ANO1: variants seen among roughly 807,000 people sequenced by gnomAD.
ANO1 encodes anoctamin 1.
In ANO1, 59 loss-of-function variants were observed where a neutral mutation model predicts 124.0. The ratio of observed to expected loss-of-function variants is 0.48; its 90% CI spans 0.39 to 0.59. The LOEUF is 0.59. Among genes scored for constraint, ANO1 ranks in the 20% least tolerant of loss-of-function variants. ANO1 has a pLI of 0.00. For missense variants in ANO1, 1,059 were observed against 1,328.0 expected (o/e 0.80, Z 3.15); for synonymous variants, 529 against 532.0 (o/e 0.99, Z 0.08).
chr11:70,072,751 C>T (rs1210737198), intron 1 of ANO1: 3 of 152,294 alleles, frequency 2.0e-5, no homozygotes, highest in Non-Finnish European at 4.4e-5. Context: ...GCGTACACCC[C>T]GTGGAAGGTA....
chr11:69,982,354 G>A (rs1554996328), upstream of ANO1, among the ~76,000 whole-genome samples: 1 of 152,040 alleles, frequency 6.6e-6, no homozygotes, highest in Non-Finnish European at 1.5e-5. Context: ...CCCAGCCTCT[G>A]CCAGAACCCC....
intron 18 of ANO1, 98 bp from the exon 19 acceptor site, chr11:70,163,185 T>C: frequency 7.6e-7 from 1 of 1,310,008 alleles, no homozygotes; most frequent in Non-Finnish European, 1.1e-6. Context: ...AGGCTCAGCC[T>C]GCAGGACTCA....
intron 1 of ANO1, among the ~76,000 whole-genome samples, chr11:70,031,379 A>T (rs1392341447): frequency 6.6e-6 from 1 of 152,168 alleles, no homozygotes; most frequent in African/African-American, 2.4e-5. Flanking sequence ...GCTATTTGGA[A>T]ATGGGTAATA....
chr11:70,000,242 A>G (rs1856356002), intron 1 of ANO1, among the ~76,000 whole-genome samples: 1 of 151,910 alleles, frequency 6.6e-6, no homozygotes, highest in Non-Finnish European at 1.5e-5. Flanking sequence ...TGTGTGTTTG[A>G]GGCACTCACA....
chr11:70,132,124 C>T (rs2046782738), intron 11 of ANO1, 45 bp downstream of exon 11: 1 of 1,537,826 alleles, frequency 6.5e-7, no homozygotes, highest in Non-Finnish European at 8.7e-7. Flanking sequence ...AGTGGTGAGT[C>T]TGAGTGGTAC....
chr11:70,187,660 T>G, intron 25 of ANO1, 78 bp from the exon 26 acceptor site: 2 of 1,503,474 alleles, frequency 1.3e-6, no homozygotes, highest in Non-Finnish European at 1.8e-6. Flanking sequence ...CTCCACCAGA[T>G]GGGGGCCAGG....
upstream of ANO1, chr11:69,985,755 C>T (rs1184505135): frequency 6.6e-6 from 1 of 152,198 alleles, no homozygotes; most frequent in Non-Finnish European, 1.5e-5. Flanking sequence ...GGGGACCAGC[C>T]GCTGCTCCTC....
At chr11:70,004,402 A>T (rs979447165) in intron 1 of ANO1, among the ~76,000 whole-genome samples, 3 of 152,216 alleles carry the variant, frequency 2.0e-5, no homozygotes, top group Non-Finnish European at 2.9e-5. Context: ...GCACTTTTAC[A>T]GGGACCATCT....
the ANO1 span, among the ~76,000 whole-genome samples, chr11:69,972,963 G>C: frequency 6.7e-6 from 1 of 150,082 alleles, no homozygotes; most frequent in Non-Finnish European, 1.5e-5. Flanking sequence ...AGGCTGGAGT[G>C]CAATGACAAG....
chr11:70,049,692 TTTTGTTTGTTTG>T (rs138005685), intron 1 of ANO1, among the ~76,000 whole-genome samples: 233 of 151,404 alleles, frequency 1.5e-3, no homozygotes, highest in African/African-American at 5.4e-3. Flanking sequence ...GTCTATGTTT[TTTTGTTTGTTTG>T]TTTGTTTGTT....
chr11:70,030,427 A>T (rs781871385), intron 1 of ANO1, among the ~76,000 whole-genome samples: 2 of 152,198 alleles, frequency 1.3e-5, no homozygotes, highest in Non-Finnish European at 2.9e-5. Context: ...ACACACTTAG[A>T]GGCTGAAAAC....
chr11:70,136,969 G>A lies in ANO1; in HGVS notation c.1258+4890G>A, dbSNP rs890737387. Among the ~76,000 whole-genome samples, 4 of 147,006 alleles carry A rather than the reference G, an allele frequency of 2.7e-5. 1 individual carries two copies. The highest frequency in any genetic ancestry group is 4.9e-5 in the African/African-American group (2 of 41,162). ...TGGGCTGGCCAGGGAGGGGGTGAGC[G>A]CCCCGTGCTGGGAAGCATTCAAGCT... On this transcript the variant is annotated intron_variant, in intron 11 of 25. Coordinates refer to ENST00000355303, the MANE Select transcript of ANO1 (RefSeq NM_018043.7).
intron 1 of ANO1, among the ~76,000 whole-genome samples, chr11:70,045,258 A>T (rs1591054295): frequency 6.6e-6 from 1 of 152,312 alleles, no homozygotes; most frequent in East Asian, 1.9e-4. Flanking sequence ...AGTTACCAAA[A>T]ACATACGTGA....
intron 1 of ANO1, among the ~76,000 whole-genome samples, chr11:69,998,232 T>C (rs1554998695): frequency 6.6e-6 from 1 of 152,236 alleles, no homozygotes; most frequent in African/African-American, 2.4e-5. Flanking sequence ...ATTGGATCAA[T>C]TGTAACACAA....
intron 1 of ANO1, among the ~76,000 whole-genome samples, chr11:70,025,949 GA>G (rs1555003154): frequency 2.7e-5 from 4 of 150,108 alleles, no homozygotes; most frequent in African/African-American, 9.9e-5. Context: ...TGGTAGTGGT[GA>G]TGACAGTGAT....
chr11:70,049,713 TTTG>T (rs146410854), intron 1 of ANO1, among the ~76,000 whole-genome samples: 4 of 150,500 alleles, frequency 2.7e-5, no homozygotes, highest in Admixed American at 6.6e-5. Flanking sequence ...TGTTTGTTTG[TTTG>T]TTTGTTTTGT....
intron 1 of ANO1, among the ~76,000 whole-genome samples, chr11:70,039,420 C>T (rs1857146548): frequency 6.6e-6 from 1 of 152,200 alleles, no homozygotes; most frequent in Non-Finnish European, 1.5e-5. Context: ...CCTGCATCCT[C>T]AATTATGCCC....
chr11:70,064,583 G>C (rs1253396262), intron 1 of ANO1: 2 of 152,220 alleles, frequency 1.3e-5, no homozygotes, highest in African/African-American at 4.8e-5. Flanking sequence ...GCTCAGTCCA[G>C]GCCAGATGAG....
At chr11:69,997,210 C>G (rs1856286826) in intron 1 of ANO1, among the ~76,000 whole-genome samples, 1 of 152,230 alleles carries the variant, frequency 6.6e-6, no homozygotes, top group Non-Finnish European at 1.5e-5. Flanking sequence ...AAAGCATACT[C>G]TGAGCTGGTT....
Sources: gnomAD v4.1 joint callset for allele counts (sites outside exome capture counted in the v4.1 genomes callset) on GRCh38, gnomAD v4.1.1 for gene constraint, MANE v1.5 for transcripts, NCBI Gene and HGNC (gene_info 2026-07-23, HGNC 2026-07-21) for gene names.